TVP23A: variants seen among roughly 807,000 people sequenced by gnomAD.
TVP23A encodes trans-golgi network vesicle protein 23 homolog A.
In TVP23A, 21 loss-of-function variants were observed where a neutral mutation model predicts 31.7. The observed-to-expected ratio is 0.66, with a 90% confidence interval of 0.47 to 0.95. The LOEUF is 0.95. Ranked by LOEUF, TVP23A falls within the 40% of genes least tolerant of loss-of-function variation. The pLI is 0.00. For missense variants in TVP23A, 279 were observed against 255.6 expected, an observed-to-expected ratio of 1.09 and a Z score of -0.62; for synonymous variants, 104 against 96.0, an observed-to-expected ratio of 1.08 and a Z score of -0.49.
At chr16:10,816,689 G>C (rs4377157) in intron 2 of TVP23A, among the ~76,000 whole-genome samples, 21,955 of 151,728 alleles carry the variant, frequency 0.14, 3,855 homozygotes, top group African/African-American at 0.41. Flanking sequence ...CTGGGTGGAC[G>C]CTAAATGCCA....
chr16:10,779,453 G>GCA lies in TVP23A; in HGVS notation c.90-4359_90-4358dup, dbSNP rs374779058. 2.8e-4 allele frequency among the ~76,000 whole-genome samples: 42 copies of GCA among 151,706 alleles called. No homozygotes were observed. Among genetic ancestry groups the GCA allele is most frequent in the East Asian group, 1.2e-3 (6 of 5,156 alleles). ...TCCTCCTGCTCCCCAGCAACATGGA[G>GCA]CACACACACACACACCACCAATCAC... On this transcript the variant is annotated intron_variant, in intron 2 of 7. Coordinates refer to ENST00000299866, the MANE Select transcript of TVP23A (RefSeq NM_001079512.4). This position sits in a 1 kb window ranked among gnomAD's most constrained non-coding sequence, Gnocchi z 4.9.
chr16:10,774,231 G>C, intron 3 of TVP23A, 103 bp from the exon 4 acceptor site: 1 of 793,290 alleles, frequency 1.3e-6, no homozygotes, highest in Admixed American at 3.1e-5. Context: ...ACTTGTACTG[G>C]GAGCAGGAAG....
At chr16:10,792,474 C>T (rs1032937335) in intron 2 of TVP23A, among the ~76,000 whole-genome samples, 2 of 152,206 alleles carry the variant, frequency 1.3e-5, no homozygotes, top group Admixed American at 6.5e-5. Context: ...CAACCCCACC[C>T]CCAGGCCTCC....
At chr16:10,787,811 G>A (rs530814823) in intron 2 of TVP23A, among the ~76,000 whole-genome samples, 13 of 152,162 alleles carry the variant, frequency 8.5e-5, no homozygotes, top group African/African-American at 2.9e-4. Context: ...TTCTTGGCAT[G>A]AGATGACAAA....
rs2031100627 is a variant in TVP23A, at chr16:10,767,656, A to G, written c.*1446T>C. 6 of 435,548 alleles carry G rather than the reference A, an allele frequency of 1.4e-5. No individual in the cohort carries two copies. In the South Asian group the frequency reaches 3.0e-4, roughly 22 times the overall value. The allele number at this position is 435,548 out of a possible 1,614,324, so 27.0% of individuals were successfully genotyped here. On this transcript the variant is annotated 3_prime_UTR_variant, in exon 8 of 8. Coordinates refer to ENST00000299866, the MANE Select transcript of TVP23A (RefSeq NM_001079512.4). The surrounding 1 kb of genome is among the most constrained non-coding windows in gnomAD (Gnocchi z 4.6). ...TTCACTCAAAAGCTAATCTCTTAAAATGCAGACTCCTGGGCCCATGTGGAA... is the reference window on the plus strand; with the variant it reads ...TTCACTCAAAAGCTAATCTCTTAAAGTGCAGACTCCTGGGCCCATGTGGAA...
intron 2 of TVP23A, among the ~76,000 whole-genome samples, chr16:10,803,382 AC>A (rs2033802282): frequency 6.6e-6 from 1 of 151,864 alleles, no homozygotes; most frequent in Non-Finnish European, 1.5e-5. Context: ...TGTGTGGAGA[AC>A]CTCCCATCTA....
Position 10,768,168 on chromosome 16 carries a change from AG to A in TVP23A, c.*933del. The A allele has an allele frequency of 1.5e-6, 1 of 685,076 alleles. No individual in the cohort carries two copies. The highest frequency in any genetic ancestry group is 1.8e-5 in the South Asian group (1 of 55,620). 42.4% of individuals were successfully genotyped at this position (685,076 alleles called of 1,614,324 possible). On this transcript the variant is annotated 3_prime_UTR_variant, in exon 8 of 8. Coordinates refer to ENST00000299866, the MANE Select transcript of TVP23A (RefSeq NM_001079512.4). This position sits in a 1 kb window ranked among gnomAD's most constrained non-coding sequence, Gnocchi z 4.3. ...AGTGGCCCCCATAGCCGAGGAAGCC[AG>A]GAGTCCATGAGAAATCTCTCAATGT... is the stretch of plus-strand genomic sequence containing the variant.
In TVP23A at chr16:10,768,135, G is replaced by T; in HGVS notation, c.*967C>A. 9.3e-7 allele frequency: 1 copy of T among 1,073,346 alleles called. No homozygotes were observed. Among genetic ancestry groups the T allele is most frequent in the South Asian group, 1.3e-5 (1 of 76,942 alleles). 66.5% of individuals were successfully genotyped at this position (1,073,346 alleles called of 1,614,324 possible). On this transcript the variant is annotated 3_prime_UTR_variant, in exon 8 of 8. Transcript: ENST00000299866. This position sits in a 1 kb window ranked among gnomAD's most constrained non-coding sequence, Gnocchi z 4.3. Reference sequence around the variant, plus strand: ...ACAGGTGGGTGGTGGGGTCTGTGATGACCACAGAGTGGCCCCCATAGCCGA... The same window carrying T: ...ACAGGTGGGTGGTGGGGTCTGTGATTACCACAGAGTGGCCCCCATAGCCGA...
chr16:10,763,752 CAG>C (rs1025274766), downstream of TVP23A: 3 of 155,008 alleles, frequency 1.9e-5, no homozygotes, highest in African/African-American at 7.2e-5. Flanking sequence ...GGACGTTTGT[CAG>C]GGGAAACATC....
intron 2 of TVP23A, among the ~76,000 whole-genome samples, chr16:10,808,001 C>A (rs2034022632): frequency 6.6e-6 from 1 of 152,170 alleles, no homozygotes; most frequent in East Asian, 1.9e-4. Context: ...GTGCATGCCA[C>A]CGTGTCAGGC....
intron 7 of TVP23A, 196 bp from the exon 8 acceptor site, chr16:10,769,297 T>TA: frequency 5.4e-6 from 3 of 556,182 alleles, no homozygotes; most frequent in South Asian, 2.4e-5. Flanking sequence ...AGAACATATA[T>TA]AAAGGGCATT....
At chr16:10,817,720 C>A (rs1461180781) in intron 2 of TVP23A, among the ~76,000 whole-genome samples, 1 of 152,206 alleles carries the variant, frequency 6.6e-6, no homozygotes, top group Non-Finnish European at 1.5e-5. Context: ...CACTCTCCCT[C>A]TGGAGTCTCC....
chr16:10,801,610 C>T (rs1387174942), intron 2 of TVP23A, among the ~76,000 whole-genome samples: 2 of 152,114 alleles, frequency 1.3e-5, no homozygotes. Flanking sequence ...GCACATGCTA[C>T]CATGCCTGGA....
chr16:10,785,679 C>T (rs74007547), intron 2 of TVP23A, among the ~76,000 whole-genome samples: 3,087 of 152,284 alleles, frequency 0.02, 113 homozygotes, highest in African/African-American at 0.07. Flanking sequence ...TTCAGGGAGA[C>T]AGGAGACAAC....
intron 2 of TVP23A, among the ~76,000 whole-genome samples, chr16:10,811,320 G>C (rs1393187097): frequency 2.6e-5 from 4 of 152,124 alleles, no homozygotes; most frequent in African/African-American, 4.8e-5. Flanking sequence ...CCAGGCTAGA[G>C]TGCAGTGGTG....
chr16:10,773,565 G>T (rs1441673639), intron 4 of TVP23A, 124 bp from the exon 5 acceptor site: 3 of 1,258,302 alleles, frequency 2.4e-6, no homozygotes, highest in Non-Finnish European at 3.2e-6. Context: ...TGTTGTTGGT[G>T]TTGTTTTGTT....
chr16:10,768,309 A>T lies in TVP23A; in HGVS notation c.*793T>A, dbSNP rs993208700. The T allele has an allele frequency of 1.7e-3, 108 of 63,708 alleles. No individual in the cohort carries two copies. The highest frequency in any genetic ancestry group is 0.011 in the African/African-American group (101 of 9,134). The allele number at this position is 63,708 out of a possible 1,614,324, so 3.9% of individuals were successfully genotyped here. On this transcript the variant is annotated 3_prime_UTR_variant, in exon 8 of 8. Coordinates refer to ENST00000299866, the MANE Select transcript of TVP23A (RefSeq NM_001079512.4). The surrounding 1 kb of genome is among the most constrained non-coding windows in gnomAD (Gnocchi z 4.3). Reference sequence around the variant, plus strand: ...TAATTCATTTTTAAAAGTAACTGATAAAAAAAAAAAAGGCCAGGTGCAGTG... The same window carrying T: ...TAATTCATTTTTAAAAGTAACTGATTAAAAAAAAAAAGGCCAGGTGCAGTG...
chr16:10,802,921 G>A (rs546836946), intron 2 of TVP23A, among the ~76,000 whole-genome samples: 18 of 152,232 alleles, frequency 1.2e-4, no homozygotes, highest in Admixed American at 3.9e-4. Context: ...ACAGAATTAA[G>A]TTTATGGTCA....
chr16:10,758,132 T>C (rs1360884454), downstream of TVP23A: 12 of 1,333,308 alleles, frequency 9.0e-6, no homozygotes, highest in Non-Finnish European at 1.0e-5. Context: ...CTCTTCCCAG[T>C]GTGTGTTCCG....
Sources: gnomAD v4.1 joint callset for allele counts (sites outside exome capture counted in the v4.1 genomes callset) on GRCh38, gnomAD v4.1.1 for gene constraint, Gnocchi (gnomAD v3.1) non-coding constraint, MANE v1.5 for transcripts, NCBI Gene and HGNC (gene_info 2026-07-23, HGNC 2026-07-21) for gene names.